The following RELL1 variants were observed in gnomAD, a reference collection of about 807,000 sequenced individuals.
RELL1 encodes RELT-like protein 1.
Under a neutral mutation model 23.0 loss-of-function variants are expected in RELL1, and 10 were observed. That is an observed-to-expected ratio of 0.43 (90% CI 0.27 to 0.74). The LOEUF (loss-of-function observed/expected upper bound fraction) is 0.74. RELL1 is among the 30% of genes least tolerant of loss of function. The probability of loss-of-function intolerance (pLI) is 0.19; values close to 1 mark genes in which losing one functional copy is unlikely to be tolerated. For missense variants in RELL1, 315 were observed against 364.4 expected, an observed-to-expected ratio of 0.86 and a Z score of 1.10; for synonymous variants, 146 against 146.8, an observed-to-expected ratio of 0.99 and a Z score of 0.04.
downstream of RELL1, chr4:37,590,303 C>T (rs1228558759): frequency 3.8e-5 from 61 of 1,613,778 alleles, no homozygotes; most frequent in East Asian, 8.9e-5. Flanking sequence ...CACCAAGGGC[C>T]GCTCCCACAG....
intron 1 of RELL1, among the ~76,000 whole-genome samples, chr4:37,669,258 A>G (rs1187699257): frequency 6.1e-5 from 8 of 131,130 alleles, no homozygotes. Flanking sequence ...CCGCCCGGCC[A>G]GCCGCCCCAT....
At chr4:37,680,609 C>T (rs1722183218) in intron 1 of RELL1, among the ~76,000 whole-genome samples, 1 of 151,976 alleles carries the variant, frequency 6.6e-6, no homozygotes. Context: ...TGAACCTATC[C>T]GAGTTAAAAA....
intron 1 of RELL1, among the ~76,000 whole-genome samples, chr4:37,684,734 C>A (rs1386844181): frequency 6.6e-6 from 1 of 152,186 alleles, no homozygotes; most frequent in Non-Finnish European, 1.5e-5. Flanking sequence ...AGGAGGATCA[C>A]TTGAGGTCGG....
intron 3 of RELL1, among the ~76,000 whole-genome samples, chr4:37,645,223 C>G (rs138861988): frequency 6.6e-6 from 1 of 152,152 alleles, no homozygotes; most frequent in Non-Finnish European, 1.5e-5. Flanking sequence ...TTTAGAAGCC[C>G]GGGTCCCAAA....
intron 1 of RELL1, among the ~76,000 whole-genome samples, chr4:37,661,736 G>A (rs2109298469): frequency 6.6e-6 from 1 of 152,220 alleles, no homozygotes; most frequent in South Asian, 2.1e-4. Context: ...TACCCACAGT[G>A]GCAATCATAA....
At chr4:37,674,261 G>A (rs1721941314) in intron 1 of RELL1, among the ~76,000 whole-genome samples, 1 of 152,156 alleles carries the variant, frequency 6.6e-6, no homozygotes, top group Non-Finnish European at 1.5e-5. Flanking sequence ...TACCTACATA[G>A]CACCTGACGA....
At chr4:37,619,384 T>C (rs928946429) in intron 6 of RELL1, among the ~76,000 whole-genome samples, 2 of 151,186 alleles carry the variant, frequency 1.3e-5, no homozygotes, top group Non-Finnish European at 2.9e-5. Context: ...GGTTTCACCA[T>C]ATTGGCCAGG....
intron 6 of RELL1, among the ~76,000 whole-genome samples, chr4:37,596,430 C>G (rs987933726): frequency 4.1e-5 from 4 of 98,186 alleles, no homozygotes; most frequent in Non-Finnish European, 7.9e-5. Flanking sequence ...ACATAAGACT[C>G]CAGCAGGGAT....
chr4:37,646,947 A>G (rs1720729046), intron 3 of RELL1, among the ~76,000 whole-genome samples: 1 of 151,722 alleles, frequency 6.6e-6, no homozygotes, highest in Admixed American at 6.6e-5. Context: ...CTGGTCTTGA[A>G]CTCCTGGCCT....
chr4:37,669,597 A>G (rs1721746190), intron 1 of RELL1, among the ~76,000 whole-genome samples: 3 of 152,098 alleles, frequency 2.0e-5, no homozygotes, highest in Non-Finnish European at 4.4e-5. Flanking sequence ...GAAAGGGGGG[A>G]AAGGTGGGGA....
At position 37,612,374 on chromosome 4, in the gene RELL1, G is replaced by A. The variant is rs550547765; in HGVS notation, c.*972C>T. ...CAAAAAACCGGGTGCAGTGGCCCAC[G>A]CCTATATTCCCAGCACTTTGGGAGG... On this transcript the variant is annotated 3_prime_UTR_variant, in exon 7 of 7. Coordinates refer to ENST00000454158, the MANE Select transcript of RELL1 (RefSeq NM_001085400.2). Among the ~76,000 whole-genome samples, 5 of 149,382 alleles carry A rather than the reference G, an allele frequency of 3.3e-5. No homozygotes were observed. Among genetic ancestry groups the A allele is most frequent in the Admixed American group, 6.7e-5 (1 of 15,008 alleles).
At chr4:37,663,203 C>T (rs1359422309) in intron 1 of RELL1, among the ~76,000 whole-genome samples, 2 of 152,188 alleles carry the variant, frequency 1.3e-5, no homozygotes, top group Non-Finnish European at 2.9e-5. Flanking sequence ...TCTTTCGCTG[C>T]CCCTCCTCCT....
intron 6 of RELL1, among the ~76,000 whole-genome samples, chr4:37,596,297 T>G (rs1718842545): frequency 6.6e-6 from 1 of 152,180 alleles, no homozygotes; most frequent in Admixed American, 6.5e-5. Flanking sequence ...CTGAGGCATG[T>G]GGTGTGCTTG....
intron 6 of RELL1, among the ~76,000 whole-genome samples, chr4:37,630,169 C>G (rs960791154): frequency 6.7e-6 from 1 of 149,010 alleles, no homozygotes; most frequent in African/African-American, 2.5e-5. Flanking sequence ...CCTTCATGTT[C>G]AGGCTCTGAT....
intron 1 of RELL1, among the ~76,000 whole-genome samples, chr4:37,684,864 A>C (rs1380740008): frequency 1.3e-5 from 2 of 152,182 alleles, no homozygotes; most frequent in African/African-American, 4.8e-5. Context: ...GAGGCAGGAG[A>C]ATCACTTGAA....
In RELL1 at chr4:37,640,072, T is replaced by G. The variant is rs73807868; in HGVS notation, c.386-1568A>C. 7.8e-3 allele frequency among the ~76,000 whole-genome samples: 956 copies of G among 122,630 alleles called. 12 individuals carry two copies. The highest frequency in any genetic ancestry group is 0.024 in the African/African-American group (897 of 37,878). The allele number at this position is 122,630 out of a possible 152,430, so 80.5% of individuals were successfully genotyped here. Reference sequence around the variant, plus strand: ...TGTGCTTTACATATAAGAGAGTGAGTTTTTTTTTGGCCCCGATCCAATTTT... The same window carrying G: ...TGTGCTTTACATATAAGAGAGTGAGGTTTTTTTTGGCCCCGATCCAATTTT... On this transcript the variant is annotated intron_variant, in intron 3 of 6. Coordinates refer to ENST00000454158, the MANE Select transcript of RELL1 (RefSeq NM_001085400.2).
rs200331569 is a variant in RELL1, at chr4:37,610,915, C to CAGAT, written c.*2427_*2430dup. ...GCTTTGGGAACACAGGAATTCTCATCAGATAGTTCAGTATAAACCAGTAAA... is the reference window on the plus strand; with the variant it reads ...GCTTTGGGAACACAGGAATTCTCATCAGATAGATAGTTCAGTATAAACCAGTAAA... On this transcript the variant is annotated 3_prime_UTR_variant, in exon 7 of 7. Transcript: ENST00000454158. The surrounding 1 kb of genome is among the most constrained non-coding windows in gnomAD (Gnocchi z 4.1). 6.4e-4 allele frequency among the ~76,000 whole-genome samples: 98 copies of CAGAT among 152,296 alleles called. No homozygotes were observed. The East Asian group carries it at 0.018, about 28-fold the overall frequency.
Position 37,635,061 on chromosome 4 carries a change from C to A in RELL1, c.506G>T (p.Gly169Val). 1 of 1,614,208 alleles carries A rather than the reference C, an allele frequency of 6.2e-7. No homozygotes were observed. Among genetic ancestry groups the A allele is most frequent in the Non-Finnish European group, 8.5e-7 (1 of 1,180,042 alleles). Residue 169 changes from glycine (G) to valine (V), a missense_variant, in exon 5 of 7, where the codon GGG becomes GTG. Transcript: ENST00000454158. The part of the protein sequence containing the change: ...PVSPGPLSPG[G>V]TPGKHVCGHH... ...GCCACAGACGTGCTTCCCTGGCGTCCCCCCTGGTGACAAAGGCCCAGGACT... is the reference window on the plus strand; with the variant it reads ...GCCACAGACGTGCTTCCCTGGCGTCACCCCTGGTGACAAAGGCCCAGGACT...
intron 1 of RELL1, among the ~76,000 whole-genome samples, chr4:37,679,435 T>C (rs1722130112): frequency 6.6e-6 from 1 of 152,192 alleles, no homozygotes; most frequent in Non-Finnish European, 1.5e-5. Flanking sequence ...AGTTTTATAT[T>C]TGCCTCCTAA....
Sources: allele counts gnomAD v4.1 joint callset (sites outside exome capture counted in the v4.1 genomes callset), GRCh38; gene constraint gnomAD v4.1.1; non-coding constraint Gnocchi (gnomAD v3.1); transcripts MANE v1.5; gene names NCBI Gene and HGNC (gene_info 2026-07-23, HGNC 2026-07-21).